The following PEX7 variants were observed in gnomAD, a reference collection of about 807,000 sequenced individuals.
PEX7 encodes the protein PTS2 receptor.
Under a neutral mutation model 47.5 loss-of-function variants are expected in PEX7, and 34 were observed. The ratio of observed to expected loss-of-function variants is 0.72; its 90% CI spans 0.54 to 0.95. The LOEUF is 0.95. Among genes scored for constraint, PEX7 ranks in the 40% least tolerant of loss-of-function variants. The pLI is 0.00. For missense variants in PEX7, 394 were observed against 400.3 expected (o/e 0.98, Z 0.13); for synonymous variants, 141 against 148.8 (o/e 0.95, Z 0.38).
chr6:136,866,836 C>A, intron 6 of PEX7, 103 bp downstream of exon 6: 1 of 951,208 alleles, frequency 1.1e-6, no homozygotes, highest in Non-Finnish European at 1.7e-6. Context: ...TGTTCCTGGA[C>A]CATTAAGTTA....
chr6:136,829,546 T>C (rs1774256860), intron 3 of PEX7, among the ~76,000 whole-genome samples: 1 of 152,212 alleles, frequency 6.6e-6, no homozygotes, highest in East Asian at 1.9e-4. Context: ...TGTGGGGATA[T>C]ATTCAGTCCA....
chr6:136,881,437 G>A (rs952379945), intron 8 of PEX7, among the ~76,000 whole-genome samples: 4 of 152,146 alleles, frequency 2.6e-5, no homozygotes, highest in Non-Finnish European at 1.5e-5. Context: ...GGCATTTGAA[G>A]CAAGAAGGCA....
In PEX7 at chr6:136,906,534, G is replaced by T. The variant is rs116897098; in HGVS notation, c.904-6924G>T. Among the ~76,000 whole-genome samples the T allele has an allele frequency of 3.4e-3, 520 of 151,504 alleles. 9 individuals are homozygous for T. In the South Asian group the frequency reaches 0.041, roughly 12 times the overall value. ...TGTGTATGGGTGTAGTATTCCCAAA[G>T]AAAAAAATTAAAAATATACAGGACT... On this transcript the variant is annotated intron_variant, in intron 9 of 9. Transcript: ENST00000318471.
intron 9 of PEX7, chr6:136,901,557 G>A (rs1356837830): frequency 6.6e-6 from 1 of 152,252 alleles, no homozygotes; most frequent in African/African-American, 2.4e-5. Context: ...GCACTTAACA[G>A]TTGTGTGTTT....
At chr6:136,830,307 G>A (rs1774270209) in intron 3 of PEX7, 2 of 357,480 alleles carry the variant, frequency 5.6e-6, no homozygotes, top group Non-Finnish European at 1.0e-5. Context: ...TGTAAAACAA[G>A]TTAGAACTTT....
chr6:136,850,268 G>A lies in PEX7; in HGVS notation c.526+4087G>A, dbSNP rs181204224. Among the ~76,000 whole-genome samples the A allele has an allele frequency of 4.0e-3, 602 of 152,024 alleles. 3 individuals are homozygous for A. The highest frequency in any genetic ancestry group is 0.014 in the African/African-American group (580 of 41,456). ...TTTATGTGTCTCTGCACGTGAGATG[G>A]GTCTCCTGAATACAGCCCACTGATG... is the stretch of plus-strand genomic sequence containing the variant. On this transcript the variant is annotated intron_variant, in intron 5 of 9. Transcript: ENST00000318471.
At chr6:136,905,080 C>T (rs1265831382) in intron 9 of PEX7, among the ~76,000 whole-genome samples, 1 of 152,176 alleles carries the variant, frequency 6.6e-6, no homozygotes, top group African/African-American at 2.4e-5. Flanking sequence ...CTGTATCTTT[C>T]CTCATCCTTT....
intron 5 of PEX7, among the ~76,000 whole-genome samples, chr6:136,847,026 T>C (rs28857544): frequency 0.042 from 6,404 of 152,294 alleles, 149 homozygotes; most frequent in African/African-American, 0.074. Context: ...TTTTTGATGA[T>C]CGCCATTCTA....
rs760309328 is a variant in PEX7, at chr6:136,826,314, T to G, written c.189-5T>G. The G allele has an allele frequency of 3.1e-6, 5 of 1,614,012 alleles. No homozygotes were observed. In the South Asian group the frequency reaches 5.5e-5, roughly 18 times the overall value. ...TTTTTTGTTGTTTGTTTTTTCCTAG[T>G]GTAGCTTTGACTGGAATGATGGTTT... On this transcript the variant is annotated splice_polypyrimidine_tract_variant and splice_region_variant and intron_variant, in intron 2 of 9. Transcript: ENST00000318471.
chr6:136,867,483 T>G (rs1775094369), intron 6 of PEX7, among the ~76,000 whole-genome samples: 1 of 151,024 alleles, frequency 6.6e-6, no homozygotes, highest in Admixed American at 6.6e-5. Context: ...TCTCAGTTTT[T>G]AAAAAAAGAG....
intron 8 of PEX7, among the ~76,000 whole-genome samples, chr6:136,884,967 T>C (rs1233690036): frequency 6.6e-6 from 1 of 152,242 alleles, no homozygotes; most frequent in Admixed American, 6.5e-5. Context: ...TATTATCTTT[T>C]TCCTATATAC....
At chr6:136,907,609 T>C (rs1775866620) in intron 9 of PEX7, among the ~76,000 whole-genome samples, 1 of 152,090 alleles carries the variant, frequency 6.6e-6, no homozygotes, top group Admixed American at 6.6e-5. Context: ...CAAAAGCAAT[T>C]GTCCACGAAA....
intron 7 of PEX7, among the ~76,000 whole-genome samples, chr6:136,871,500 G>T (rs1310392084): frequency 6.6e-6 from 1 of 151,942 alleles, no homozygotes; most frequent in African/African-American, 2.4e-5. Flanking sequence ...TTATATATTT[G>T]TACTCTTATA....
chr6:136,903,336 CTTTT>C (rs552573661), intron 9 of PEX7, among the ~76,000 whole-genome samples: 2 of 126,318 alleles, frequency 1.6e-5, no homozygotes, highest in Non-Finnish European at 1.6e-5. Context: ...CTTTCTTTCT[CTTTT>C]TTTTTTTTTT....
At chr6:136,832,396 C>A (rs1245449923) in intron 3 of PEX7, among the ~76,000 whole-genome samples, 1 of 152,236 alleles carries the variant, frequency 6.6e-6, no homozygotes. Context: ...GCCGCTGGGC[C>A]TGTGATGGGA....
intron 5 of PEX7, among the ~76,000 whole-genome samples, chr6:136,854,148 C>A (rs1027804511): frequency 6.6e-6 from 1 of 152,050 alleles, no homozygotes; most frequent in African/African-American, 2.4e-5. Context: ...TAATTTGAAT[C>A]AATTAACCCT....
rs370874431 is a variant in PEX7, at chr6:136,828,106, C to T, written c.339+1637C>T. ...ATAATATAGCTAGTTAAGGTAAATT[C>T]AATATATTGACTTAATGTTTTTCTT... On this transcript the variant is annotated intron_variant, in intron 3 of 9. Transcript: ENST00000318471. Among the ~76,000 whole-genome samples, 7 of 151,540 alleles carry T rather than the reference C, an allele frequency of 4.6e-5. 1 individual carries two copies. The highest frequency in any genetic ancestry group is 1.5e-4 in the African/African-American group (6 of 41,318).
intron 3 of PEX7, among the ~76,000 whole-genome samples, chr6:136,840,310 CT>C (rs996637085): frequency 1.3e-5 from 2 of 152,118 alleles, no homozygotes; most frequent in South Asian, 2.1e-4. Context: ...CTTCTCTCTG[CT>C]TTTTTTTCTT....
chr6:136,834,306 T>A (rs1269930877), intron 3 of PEX7, among the ~76,000 whole-genome samples: 3 of 152,230 alleles, frequency 2.0e-5, no homozygotes, highest in Admixed American at 6.5e-5. Flanking sequence ...TCCTCTGGCC[T>A]CCTGAGCTCG....
Sources: allele counts gnomAD v4.1 joint callset (sites outside exome capture counted in the v4.1 genomes callset), GRCh38; gene constraint gnomAD v4.1.1; transcripts MANE v1.5; gene names NCBI Gene and HGNC (gene_info 2026-07-23, HGNC 2026-07-21).